ANKRD11: variants seen among roughly 807,000 people sequenced by gnomAD.
The protein encoded by ANKRD11 is ankyrin repeat domain 11.
In ANKRD11, 17 loss-of-function variants were observed where a neutral mutation model predicts 195.7. The ratio of observed to expected loss-of-function variants is 0.09; its 90% CI spans 0.06 to 0.13. The LOEUF is 0.13. ANKRD11 is among the 10% of genes least tolerant of loss of function. The pLI is 1.00. For missense variants in ANKRD11, 3,735 were observed against 3,566.1 expected (o/e 1.05, Z -1.21); for synonymous variants, 1,953 against 1,528.1 (o/e 1.28, Z -6.49).
intron 6 of ANKRD11, 83 bp downstream of exon 6, chr16:89,290,542 T>A (rs1306582116): frequency 1.5e-6 from 2 of 1,300,924 alleles, no homozygotes; most frequent in African/African-American, 2.0e-5. Flanking sequence ...AGGGCTCCAA[T>A]GGGGGGAGGC....
rs1157424618 is a variant in ANKRD11 at position 89,418,344 on chromosome 16, G to C, written c.-120C>G. The C allele has an allele frequency of 4.4e-6, 2 of 453,730 alleles. No homozygotes were observed. Among genetic ancestry groups the C allele is most frequent in the East Asian group, 1.4e-4 (2 of 14,400 alleles). 28.1% of individuals were successfully genotyped at this position (453,730 alleles called of 1,614,324 possible). A position where few individuals can be genotyped will look rare whatever the true frequency, so the allele number is the denominator to read the frequency against. On this transcript the variant is annotated 5_prime_UTR_variant, in exon 2 of 13. Coordinates refer to ENST00000301030, the MANE Select transcript of ANKRD11 (RefSeq NM_013275.6). ...TGTCTTTTAAATCCAATGGAGGTGT[G>C]TCCCAGAGCAGGGCTGTATATATTC...
intron 2 of ANKRD11, chr16:89,323,473 G>A (rs1427071208): frequency 1.3e-5 from 3 of 239,706 alleles, no homozygotes; most frequent in African/African-American, 9.5e-5. Context: ...CGAGGGCAGG[G>A]GGGCAGAGCC....
At chr16:89,290,526 AGGCTCAGGGCTCCAAT>A in intron 6 of ANKRD11, 83 bp downstream of exon 6, 1 of 1,127,410 alleles carries the variant, frequency 8.9e-7, no homozygotes, top group Non-Finnish European at 1.2e-6. Context: ...CAATGGGGGG[AGGCTCAGGGCTCCAAT>A]GGGGGGAGGC....
chr16:89,316,795 T>G, intron 3 of ANKRD11, 138 bp downstream of exon 3: 1 of 1,047,562 alleles, frequency 9.5e-7, no homozygotes, highest in South Asian at 1.4e-5. Context: ...CACCACCCTC[T>G]CCACTCCTGG....
At chr16:89,406,215 T>A (rs1313131615) in intron 2 of ANKRD11, among the ~76,000 whole-genome samples, 1 of 152,054 alleles carries the variant, frequency 6.6e-6, no homozygotes, top group Non-Finnish European at 1.5e-5. Flanking sequence ...AGCAAGGGGT[T>A]TGGTGCTGTG....
chr16:89,396,944 C>T (rs888987591), intron 2 of ANKRD11, among the ~76,000 whole-genome samples: 61 of 113,610 alleles, frequency 5.4e-4, no homozygotes, highest in African/African-American at 1.7e-3. Flanking sequence ...GCCTCGGTTT[C>T]CCAGAGCACT....
In ANKRD11 at chr16:89,281,541, C is replaced by T; in HGVS notation, c.5001G>A (p.Lys1667=). ...AGTCTGCACCTGATGCTGGGTGTAG[C>T]TTATTTTCCGCGGCAGGTGGAATAG... ...STPIPPAAEN[K]LHPASGADSK... The change falls in exon 9 of 13, where the codon AAG becomes AAA. Residue 1667 remains lysine (K), a synonymous_variant. Transcript: ENST00000301030. The surrounding 1 kb of genome is among the most constrained non-coding windows in gnomAD (Gnocchi z 5.5). 6.2e-7 allele frequency: 1 copy of T among 1,614,198 alleles called. No individual in the cohort carries two copies. The highest frequency in any genetic ancestry group is 8.5e-7 in the Non-Finnish European group (1 of 1,180,030).
chr16:89,330,404 G>T (rs145547844), intron 2 of ANKRD11, among the ~76,000 whole-genome samples: 1 of 152,054 alleles, frequency 6.6e-6, no homozygotes, highest in Non-Finnish European at 1.5e-5. Flanking sequence ...GTGGCCGCTC[G>T]CACACCGGGA....
intron 1 of ANKRD11, among the ~76,000 whole-genome samples, chr16:89,468,106 C>A (rs1404463152): frequency 6.6e-6 from 1 of 152,158 alleles, no homozygotes; most frequent in East Asian, 1.9e-4. Flanking sequence ...GCCCAGACTG[C>A]AGTCTTTATC....
rs754372641 is a variant in ANKRD11 at position 89,285,435 on chromosome 16, C to T, written c.1107G>A (p.Lys369=). The T allele has an allele frequency of 2.5e-6, 4 of 1,613,994 alleles. No homozygotes were observed. The African/African-American group carries it at 4.0e-5, about 16-fold the overall frequency. ...PPVDDKHLLK[K]DYRKETKSNS... is the part of the protein sequence containing the mutation. ...TGGATTTCGTTTCTTTTCTGTAGTCCTTTTTCAATAGGTGCTTGTCGTCCA... is the reference window on the plus strand; with the variant it reads ...TGGATTTCGTTTCTTTTCTGTAGTCTTTTTTCAATAGGTGCTTGTCGTCCA... The change falls in exon 9 of 13, where the codon AAG becomes AAA. Residue 369 remains lysine, a synonymous_variant. Transcript: ENST00000301030. This position sits in a 1 kb window ranked among gnomAD's most constrained non-coding sequence, Gnocchi z 5.6.
At chr16:89,307,072 C>T (rs979705725) in intron 3 of ANKRD11, among the ~76,000 whole-genome samples, 1 of 151,724 alleles carries the variant, frequency 6.6e-6, no homozygotes, top group Non-Finnish European at 1.5e-5. Context: ...GTGCGACACA[C>T]ACAGCACTCG....
At chr16:89,349,303 AC>A (rs1452062726) in intron 2 of ANKRD11, among the ~76,000 whole-genome samples, 1 of 151,866 alleles carries the variant, frequency 6.6e-6, no homozygotes, top group Non-Finnish European at 1.5e-5. Flanking sequence ...ACACGGTGAA[AC>A]CCCATCTCTA....
chr16:89,405,731 T>A (rs1437927350), intron 2 of ANKRD11, among the ~76,000 whole-genome samples: 1 of 152,106 alleles, frequency 6.6e-6, no homozygotes, highest in Non-Finnish European at 1.5e-5. Flanking sequence ...CCTCAAGGCC[T>A]GTCCACGAAG....
At chr16:89,419,609 A>T (rs1190170300) in intron 1 of ANKRD11, among the ~76,000 whole-genome samples, 1 of 152,136 alleles carries the variant, frequency 6.6e-6, no homozygotes, top group Non-Finnish European at 1.5e-5. Context: ...CTCCAACTCC[A>T]AACACTTCCG....
At chr16:89,298,458 A>C (rs1318017299) in intron 4 of ANKRD11, 1 of 152,282 alleles carries the variant, frequency 6.6e-6, no homozygotes, top group Non-Finnish European at 1.5e-5. Context: ...TTATGGATGA[A>C]AGGGCTGAGA....
intron 1 of ANKRD11, among the ~76,000 whole-genome samples, chr16:89,477,020 G>A (rs1252322537): frequency 2.0e-5 from 3 of 152,194 alleles, no homozygotes; most frequent in Non-Finnish European, 4.4e-5. Context: ...AGACCACACC[G>A]TGAGCATCTA....
intron 2 of ANKRD11, among the ~76,000 whole-genome samples, chr16:89,406,756 A>T (rs1438841827): frequency 1.3e-5 from 2 of 152,158 alleles, no homozygotes; most frequent in Non-Finnish European, 2.9e-5. Flanking sequence ...CGATCCCACC[A>T]AGCATGACCC....
chr16:89,351,249 T>C (rs915012405), intron 2 of ANKRD11, among the ~76,000 whole-genome samples: 3 of 152,080 alleles, frequency 2.0e-5, no homozygotes, highest in African/African-American at 7.2e-5. Flanking sequence ...AGAATGAAAT[T>C]GAATGCCCAT....
chr16:89,389,476 A>G (rs976572322), intron 2 of ANKRD11, among the ~76,000 whole-genome samples: 8 of 152,224 alleles, frequency 5.3e-5, no homozygotes, highest in African/African-American at 1.9e-4. Context: ...AAATTAGTAG[A>G]TGGAGACATG....
Sources: gnomAD v4.1 joint callset for allele counts (sites outside exome capture counted in the v4.1 genomes callset) on GRCh38, gnomAD v4.1.1 for gene constraint, Gnocchi (gnomAD v3.1) non-coding constraint, MANE v1.5 for transcripts, NCBI Gene and HGNC (gene_info 2026-07-23, HGNC 2026-07-21) for gene names.